MAGI2: variants seen among roughly 807,000 people sequenced by gnomAD.
MAGI2 encodes the protein membrane associated guanylate kinase, WW and PDZ domain containing 2.
A neutral mutation model predicts 133.3 loss-of-function variants in MAGI2; 35 were observed. The observed-to-expected ratio is 0.26, with a 90% CI of 0.20 to 0.35. The LOEUF is 0.35. Among genes scored for constraint, MAGI2 ranks in the 10% least tolerant of loss-of-function variants. The pLI, the probability that MAGI2 is intolerant of heterozygous loss-of-function variation, is 1.00. For missense variants in MAGI2, 1,636 were observed against 1,863.4 expected (o/e 0.88, Z 2.25); for synonymous variants, 729 against 710.6 (o/e 1.03, Z -0.41).
intron 10 of MAGI2, among the ~76,000 whole-genome samples, chr7:78,206,293 T>C (rs1829727789): frequency 1.3e-5 from 1 of 75,908 alleles, no homozygotes; most frequent in South Asian, 4.1e-4. Flanking sequence ...CCTTTTCCTT[T>C]CTTTTTTTTT....
intron 2 of MAGI2, among the ~76,000 whole-genome samples, chr7:78,824,146 T>G (rs1398968508): frequency 6.6e-6 from 1 of 152,240 alleles, no homozygotes; most frequent in Non-Finnish European, 1.5e-5. Flanking sequence ...ATATCTCTCT[T>G]AATGATGATT....
intron 21 of MAGI2, among the ~76,000 whole-genome samples, chr7:78,044,899 C>T (rs6465977): frequency 0.6 from 91,230 of 152,110 alleles, 28,714 homozygotes; most frequent in African/African-American, 0.8. Context: ...CCGGGTGCGG[C>T]GGCTCACACC....
At chr7:78,118,585 T>C (rs10246111) in intron 20 of MAGI2, among the ~76,000 whole-genome samples, 130,576 of 152,276 alleles carry the variant, frequency 0.86, 56,397 homozygotes, top group African/African-American at 0.91. Context: ...ATATGGCAGA[T>C]TAGCATATGA....
intron 6 of MAGI2, among the ~76,000 whole-genome samples, chr7:78,400,931 T>C (rs1796798437): frequency 6.6e-6 from 1 of 152,156 alleles, no homozygotes; most frequent in South Asian, 2.1e-4. Context: ...TTTCTCGCTG[T>C]CATAGTCAAA....
chr7:79,120,064 T>C (rs1819752022), intron 1 of MAGI2, among the ~76,000 whole-genome samples: 2 of 152,092 alleles, frequency 1.3e-5, no homozygotes, highest in Non-Finnish European at 2.9e-5. Flanking sequence ...AGATCTTACA[T>C]TATCTGTGCT....
rs562397378 is a variant in MAGI2, at chr7:78,764,896, G to A, written c.419-137657C>T. On this transcript the variant is annotated intron_variant, in intron 2 of 21. Transcript: ENST00000354212. ...GCTCACACCTTAGATGGGTTTTCAG[G>A]CCTCACAACTTATTACCAGCTTAGT... Among the ~76,000 whole-genome samples the A allele has an allele frequency of 2.4e-5, 3 of 127,282 alleles. No homozygotes were observed. In the South Asian group the frequency reaches 6.9e-4, roughly 29 times the overall value. The allele number at this position is 127,282 out of a possible 152,430, so 83.5% of individuals were successfully genotyped here.
chr7:78,320,489 A>C (rs1441814566), intron 9 of MAGI2, among the ~76,000 whole-genome samples: 1 of 152,206 alleles, frequency 6.6e-6, no homozygotes, highest in African/African-American at 2.4e-5. Context: ...AATAAATGTA[A>C]TCCATCACAT....
chr7:78,045,115 C>T (rs369544292), intron 21 of MAGI2, among the ~76,000 whole-genome samples: 38 of 152,092 alleles, frequency 2.5e-4, no homozygotes, highest in African/African-American at 8.4e-4. Context: ...TGCAGTGAGC[C>T]GAGATCGCAC....
chr7:79,252,283 G>T (rs1051695066), intron 1 of MAGI2, among the ~76,000 whole-genome samples: 44 of 151,892 alleles, frequency 2.9e-4, no homozygotes, highest in Non-Finnish European at 6.0e-4. Context: ...AACGTGGATA[G>T]ATCTGAAGGT....
intron 1 of MAGI2, among the ~76,000 whole-genome samples, chr7:79,154,374 T>C (rs1823557866): frequency 6.6e-6 from 1 of 152,116 alleles, no homozygotes; most frequent in Non-Finnish European, 1.5e-5. Context: ...TGTTGAAAAA[T>C]GTTATTTTAT....
intron 3 of MAGI2, among the ~76,000 whole-genome samples, chr7:78,539,761 G>C (rs1025983161): frequency 2.6e-5 from 4 of 152,096 alleles, no homozygotes; most frequent in African/African-American, 9.7e-5. Context: ...CAGGTCTCTC[G>C]GCCATGGATA....
chr7:79,166,753 C>T (rs1394170005), intron 1 of MAGI2, among the ~76,000 whole-genome samples: 1 of 151,912 alleles, frequency 6.6e-6, no homozygotes, highest in Non-Finnish European at 1.5e-5. Flanking sequence ...TTGCATTTTA[C>T]TCGAGGGAAT....
intron 1 of MAGI2, among the ~76,000 whole-genome samples, chr7:79,286,927 G>A (rs1836049165): frequency 6.6e-6 from 1 of 152,026 alleles, no homozygotes; most frequent in Non-Finnish European, 1.5e-5. Flanking sequence ...GTCAAGTCAG[G>A]GCTTTAGGGT....
At chr7:78,300,351 A>G (rs1797721605) in intron 9 of MAGI2, among the ~76,000 whole-genome samples, 1 of 152,224 alleles carries the variant, frequency 6.6e-6, no homozygotes, top group Non-Finnish European at 1.5e-5. Context: ...TAAAAGCATT[A>G]TTCTGAGAAG....
At chr7:78,348,967 C>T (rs1425984185) in intron 7 of MAGI2, among the ~76,000 whole-genome samples, 3 of 152,080 alleles carry the variant, frequency 2.0e-5, no homozygotes, top group East Asian at 1.9e-4. Flanking sequence ...TAAGATGCAC[C>T]GAAGCCAGTT....
intron 1 of MAGI2, among the ~76,000 whole-genome samples, chr7:79,144,238 G>C (rs1047075425): frequency 1.3e-5 from 2 of 152,168 alleles, no homozygotes; most frequent in South Asian, 4.1e-4. Flanking sequence ...GGAGAACTGA[G>C]TAAGTTCATA....
chr7:78,919,495 ATAAT>A (rs1377901284), intron 2 of MAGI2, among the ~76,000 whole-genome samples: 1 of 152,142 alleles, frequency 6.6e-6, no homozygotes, highest in Non-Finnish European at 1.5e-5. Context: ...AAAGCATCAA[ATAAT>A]TAATAGCATA....
intron 3 of MAGI2, among the ~76,000 whole-genome samples, chr7:78,605,086 C>T (rs1026094472): frequency 1.3e-5 from 2 of 152,098 alleles, no homozygotes; most frequent in Admixed American, 1.3e-4. Flanking sequence ...AGACTGGCTT[C>T]GTATTTTCAA....
chr7:78,809,041 T>C (rs958078793), intron 2 of MAGI2, among the ~76,000 whole-genome samples: 4 of 152,232 alleles, frequency 2.6e-5, no homozygotes, highest in Admixed American at 6.5e-5. Flanking sequence ...CTGCCTTAAA[T>C]AGATTAAGTA....
Sources: gnomAD v4.1 joint callset for allele counts (sites outside exome capture counted in the v4.1 genomes callset) on GRCh38, gnomAD v4.1.1 for gene constraint, MANE v1.5 for transcripts, NCBI Gene and HGNC (gene_info 2026-07-23, HGNC 2026-07-21) for gene names.